The following GFRA1 variants were observed in gnomAD, a reference collection of about 807,000 sequenced individuals.
GFRA1 encodes the protein GDNF family receptor alpha-1.
GFRA1 carries 16 observed loss-of-function variants against 51.6 expected under a neutral mutation model. That is an observed-to-expected ratio of 0.31 (90% CI 0.21 to 0.47). The LOEUF (loss-of-function observed/expected upper bound fraction) is 0.47, where lower values mean the gene tolerates loss of function less well. GFRA1 is among the 20% of genes least tolerant of loss of function. The pLI is 1.00. For synonymous variants in GFRA1, 270 were observed against 241.3 expected, an observed-to-expected ratio of 1.12 and a Z score of -1.10; for missense variants, 530 against 594.3, an observed-to-expected ratio of 0.89 and a Z score of 1.13.
chr10:116,138,970 T>G (rs571768957), intron 5 of GFRA1, among the ~76,000 whole-genome samples: 8 of 152,304 alleles, frequency 5.3e-5, no homozygotes, highest in African/African-American at 1.9e-4. Context: ...AGGACCTCCA[T>G]TGCATCTCTG....
At chr10:116,271,256 C>G in intron 2 of GFRA1, 141 bp from the exon 3 acceptor site, 1 of 634,818 alleles carries the variant, frequency 1.6e-6, no homozygotes, top group Non-Finnish European at 2.7e-6. Flanking sequence ...GTCCACCTCT[C>G]GACCATCCGG....
chr10:116,144,641 T>C (rs1958716103), intron 5 of GFRA1, among the ~76,000 whole-genome samples: 1 of 152,068 alleles, frequency 6.6e-6, no homozygotes, highest in African/African-American at 2.4e-5. Flanking sequence ...AACTGAGTAT[T>C]CCCTTGAAAA....
chr10:116,271,910 C>A (rs1843973298), intron 2 of GFRA1, 80 bp downstream of exon 2: 2 of 1,122,808 alleles, frequency 1.8e-6, no homozygotes, highest in Non-Finnish European at 2.6e-6. Context: ...AATTTTGGTG[C>A]GGAGGGCGGG....
intron 5 of GFRA1, among the ~76,000 whole-genome samples, chr10:116,210,611 A>C (rs992560649): frequency 3.3e-5 from 5 of 152,228 alleles, no homozygotes; most frequent in African/African-American, 4.8e-5. Flanking sequence ...ACAATACGAC[A>C]GTACCCTCAT....
At position 116,061,694 on chromosome 10, in the gene GFRA1, C is replaced by T. The variant is rs1426800897; in HGVS notation, c.*2704G>A. The T allele has an allele frequency of 3.6e-6, 1 of 281,342 alleles. No homozygotes were observed. The highest frequency in any genetic ancestry group is 5.9e-5 in the East Asian group (1 of 16,946). 17.4% of individuals were successfully genotyped at this position (281,342 alleles called of 1,614,324 possible). A position where few individuals can be genotyped will look rare whatever the true frequency, so the allele number is the denominator to read the frequency against. On this transcript the variant is annotated 3_prime_UTR_variant, in exon 11 of 11. Coordinates refer to ENST00000355422, the MANE Select transcript of GFRA1 (RefSeq NM_005264.8). Reference sequence around the variant, plus strand: ...AGACACCCAAACCTCAGCAGATAACCCCTGTCTTCAGTGGCACCCCAAATG... The same window carrying T: ...AGACACCCAAACCTCAGCAGATAACTCCTGTCTTCAGTGGCACCCCAAATG...
At chr10:116,136,261 T>G (rs1589816251) in intron 5 of GFRA1, among the ~76,000 whole-genome samples, 1 of 152,258 alleles carries the variant, frequency 6.6e-6, no homozygotes, top group African/African-American at 2.4e-5. Flanking sequence ...GTAAAATTAA[T>G]GAGCACTTCA....
intron 5 of GFRA1, among the ~76,000 whole-genome samples, chr10:116,168,655 G>A (rs1416109498): frequency 6.6e-6 from 1 of 152,148 alleles, no homozygotes; most frequent in Non-Finnish European, 1.5e-5. Context: ...CCAACCTCGG[G>A]GGGTTAACAA....
chr10:116,177,848 G>GC (rs1961782338), intron 5 of GFRA1, among the ~76,000 whole-genome samples: 1 of 152,248 alleles, frequency 6.6e-6, no homozygotes, highest in African/African-American at 2.4e-5. Flanking sequence ...AAGTGTCCCA[G>GC]CACCTGAGCT....
chr10:116,110,029 A>G (rs1390981720), intron 6 of GFRA1, among the ~76,000 whole-genome samples: 1 of 152,032 alleles, frequency 6.6e-6, no homozygotes, highest in African/African-American at 2.4e-5. Flanking sequence ...CTGTTACCAC[A>G]CTCAAGGTGC....
intron 4 of GFRA1, among the ~76,000 whole-genome samples, chr10:116,213,209 G>A (rs936423203): frequency 5.1e-4 from 78 of 152,126 alleles, no homozygotes; most frequent in Admixed American, 8.5e-4. Flanking sequence ...AAATCTACAC[G>A]AATGTTCATC....
intron 5 of GFRA1, among the ~76,000 whole-genome samples, chr10:116,177,748 T>C (rs1961771789): frequency 6.6e-6 from 1 of 152,174 alleles, no homozygotes; most frequent in Non-Finnish European, 1.5e-5. Context: ...TATAACTTAA[T>C]AATCAACAAC....
Position 116,093,718 on chromosome 10 carries a change from C to T in GFRA1, c.999G>A (p.Lys333=). The T allele has an allele frequency of 6.2e-7, 1 of 1,613,982 alleles. No homozygotes were observed. The highest frequency in any genetic ancestry group is 1.3e-5 in the African/African-American group (1 of 75,048). The change falls in exon 8 of 11, where the codon AAG becomes AAA. Residue 333 remains lysine, a synonymous_variant. Coordinates refer to ENST00000355422, the MANE Select transcript of GFRA1 (RefSeq NM_005264.8). ...EECLKFLNFF[K]DNTCLKNAIQ... ...CAAACTCACTAAGACATGTATTGTC[C>T]TTGAAGAAATTCAAAAATTTCAAGC...
In GFRA1 at chr10:116,062,588, GC is replaced by G. The variant is rs2133749559; in HGVS notation, c.*1809del. ...GACTTATCTTACAAGGCAAACACCA[GC>G]AGGCAAAGGGGATCTGTAGAAATGT... On this transcript the variant is annotated 3_prime_UTR_variant, in exon 11 of 11. Coordinates refer to ENST00000355422, the MANE Select transcript of GFRA1 (RefSeq NM_005264.8). 6.5e-6 allele frequency: 1 copy of G among 152,764 alleles called. No individual in the cohort carries two copies. Among genetic ancestry groups the G allele is most frequent in the South Asian group, 2.1e-4 (1 of 4,824 alleles). The allele number at this position is 152,764 out of a possible 1,614,324, so 9.5% of individuals were successfully genotyped here.
At chr10:116,117,506 C>T (rs1351380980) in intron 6 of GFRA1, among the ~76,000 whole-genome samples, 1 of 98,362 alleles carries the variant, frequency 1.0e-5, no homozygotes, top group African/African-American at 3.7e-5. Context: ...TTATTCCTGG[C>T]ACAGTAAGTG....
intron 9 of GFRA1, among the ~76,000 whole-genome samples, chr10:116,080,189 C>T (rs1180935077): frequency 1.3e-5 from 2 of 152,292 alleles, no homozygotes; most frequent in South Asian, 4.1e-4. Flanking sequence ...GGGCACCATT[C>T]TGAGCATGCT....
intron 4 of GFRA1, among the ~76,000 whole-genome samples, chr10:116,244,361 CTT>C (rs1491494483): frequency 1.2e-5 from 1 of 83,886 alleles, no homozygotes; most frequent in Non-Finnish European, 2.3e-5. Context: ...TTTCATTTAA[CTT>C]TAATAATTAA....
At chr10:116,274,358 G>GCAAA (rs554353627), upstream of GFRA1, among the ~76,000 whole-genome samples, 24 of 152,320 alleles carry the variant, frequency 1.6e-4, no homozygotes, top group South Asian at 5.0e-3. Flanking sequence ...TGTCAAATCT[G>GCAAA]CAAACCTATC....
chr10:116,223,054 G>C (rs975564960), intron 4 of GFRA1, among the ~76,000 whole-genome samples: 1 of 151,958 alleles, frequency 6.6e-6, no homozygotes, highest in Non-Finnish European at 1.5e-5. Context: ...TTATATAAGG[G>C]GTCCTGGAAT....
chr10:116,120,425 A>G lies in GFRA1; in HGVS notation c.770+4796T>C, dbSNP rs148438646. Among the ~76,000 whole-genome samples, 80 of 152,174 alleles carry G rather than the reference A, an allele frequency of 5.3e-4. 1 individual carries two copies. In the East Asian group the frequency reaches 0.015, roughly 28 times the overall value. ...GTCTCTAAAAATAATTAATTAATTA[A>G]TTAAAAGAAATTAGCCAGGCATGGT... On this transcript the variant is annotated intron_variant, in intron 6 of 10. Transcript: ENST00000355422.
Sources: gnomAD v4.1 joint callset for allele counts (sites outside exome capture counted in the v4.1 genomes callset) on GRCh38, gnomAD v4.1.1 for gene constraint, MANE v1.5 for transcripts, NCBI Gene and HGNC (gene_info 2026-07-23, HGNC 2026-07-21) for gene names.